Variants in NRG3 observed in about 807,000 individuals in gnomAD.
The protein encoded by NRG3 is neuregulin 3, also known as pro-neuregulin-3, membrane-bound isoform.
A neutral mutation model predicts 66.9 loss-of-function variants in NRG3; 31 were observed. That is an observed-to-expected ratio of 0.46 (90% CI 0.35 to 0.63). The LOEUF (loss-of-function observed/expected upper bound fraction) is 0.63, where lower values mean the gene tolerates loss of function less well. Ranked by LOEUF, NRG3 falls within the 20% of genes least tolerant of loss-of-function variation. The probability of loss-of-function intolerance (pLI) is 0.00; values close to 1 mark genes in which losing one functional copy is unlikely to be tolerated. For missense variants in NRG3, 910 were observed against 878.9 expected, an observed-to-expected ratio of 1.04 and a Z score of -0.45; for synonymous variants, 393 against 359.4, an observed-to-expected ratio of 1.09 and a Z score of -1.06.
At chr10:82,363,741 G>A (rs1415302001) in intron 2 of NRG3, among the ~76,000 whole-genome samples, 18 of 152,150 alleles carry the variant, frequency 1.2e-4, no homozygotes, top group Admixed American at 1.0e-3. Context: ...ACAGGCGTGA[G>A]CCACCACACC....
intron 2 of NRG3, among the ~76,000 whole-genome samples, chr10:82,633,794 A>G (rs2050003037): frequency 6.6e-6 from 1 of 152,194 alleles, no homozygotes; most frequent in African/African-American, 2.4e-5. Context: ...AAATGTACAC[A>G]TTTTAAGCAG....
intron 2 of NRG3, among the ~76,000 whole-genome samples, chr10:82,677,970 G>C (rs930865222): frequency 6.6e-6 from 1 of 152,092 alleles, no homozygotes; most frequent in African/African-American, 2.4e-5. Context: ...CCACATGCAC[G>C]GTGTGTTTAC....
intron 1 of NRG3, among the ~76,000 whole-genome samples, chr10:82,256,954 G>A (rs1234813785): frequency 5.9e-5 from 9 of 152,134 alleles, no homozygotes; most frequent in Admixed American, 5.9e-4. Context: ...AGAGGTCATG[G>A]TCCGTGGAAT....
intron 4 of NRG3, among the ~76,000 whole-genome samples, chr10:82,870,866 G>A (rs554117899): frequency 1.7e-4 from 26 of 152,100 alleles, no homozygotes; most frequent in Middle Eastern, 3.4e-3. Flanking sequence ...GTCATTCTGC[G>A]GCTTTTCCCT....
intron 1 of NRG3, among the ~76,000 whole-genome samples, chr10:82,188,243 C>A (rs648899): frequency 0.039 from 5,941 of 152,110 alleles, 170 homozygotes; most frequent in South Asian, 0.12. Flanking sequence ...TGGTGCTGGG[C>A]AAATTGGATA....
chr10:82,477,783 C>T (rs17100110), intron 2 of NRG3, among the ~76,000 whole-genome samples: 3,163 of 152,138 alleles, frequency 0.021, 47 homozygotes, highest in Non-Finnish European at 0.031. Flanking sequence ...AGGCATAAAC[C>T]GAGGGGACAG....
chr10:81,996,292 T>C (rs1697018071), intron 1 of NRG3, among the ~76,000 whole-genome samples: 1 of 152,148 alleles, frequency 6.6e-6, no homozygotes, highest in African/African-American at 2.4e-5. Context: ...CTGAAGTCTA[T>C]AGTGTATCCC....
At chr10:81,904,859 C>T (rs1232193574) in intron 1 of NRG3, among the ~76,000 whole-genome samples, 1 of 152,094 alleles carries the variant, frequency 6.6e-6, no homozygotes, top group Non-Finnish European at 1.5e-5. Flanking sequence ...ATCAGGATAT[C>T]ATGGTACCTG....
intron 2 of NRG3, among the ~76,000 whole-genome samples, chr10:82,551,753 G>A (rs997120634): frequency 3.9e-5 from 6 of 151,916 alleles, no homozygotes; most frequent in Non-Finnish European, 5.9e-5. Flanking sequence ...CAAGTGCTTC[G>A]TCTCAAACCC....
chr10:82,104,058 T>A (rs2066918216), intron 1 of NRG3, among the ~76,000 whole-genome samples: 1 of 152,088 alleles, frequency 6.6e-6, no homozygotes, highest in Non-Finnish European at 1.5e-5. Flanking sequence ...AGGAAATAAT[T>A]TAAAAAGTGC....
intron 2 of NRG3, among the ~76,000 whole-genome samples, chr10:82,584,964 C>T (rs754200607): frequency 7.7e-6 from 1 of 130,218 alleles, no homozygotes; most frequent in Non-Finnish European, 1.5e-5. Flanking sequence ...CTTCCCCAAG[C>T]AATTGTTGTT....
intron 1 of NRG3, among the ~76,000 whole-genome samples, chr10:81,891,389 A>G (rs1286360484): frequency 1.3e-5 from 2 of 152,130 alleles, no homozygotes; most frequent in Admixed American, 1.3e-4. Flanking sequence ...GGCGCACTTT[A>G]AGGTATTTAA....
At chr10:82,937,144 T>G (rs149506177) in intron 4 of NRG3, among the ~76,000 whole-genome samples, 54 of 152,344 alleles carry the variant, frequency 3.5e-4, no homozygotes, top group African/African-American at 1.2e-3. Context: ...TGTTTTCAAA[T>G]AGTTTACATG....
chr10:82,983,810 T>C (rs544989931), intron 8 of NRG3, among the ~76,000 whole-genome samples: 1 of 152,350 alleles, frequency 6.6e-6, no homozygotes, highest in South Asian at 2.1e-4. Context: ...TATGTATTCA[T>C]GTGTTCACTC....
At chr10:81,931,504 C>T (rs1344817243) in intron 1 of NRG3, among the ~76,000 whole-genome samples, 1 of 152,172 alleles carries the variant, frequency 6.6e-6, no homozygotes, top group African/African-American at 2.4e-5. Flanking sequence ...CACTGTCCTC[C>T]CCTGGTCCAC....
chr10:81,934,079 C>G (rs932341911), intron 1 of NRG3, among the ~76,000 whole-genome samples: 1 of 152,174 alleles, frequency 6.6e-6, no homozygotes, highest in African/African-American at 2.4e-5. Context: ...CTCCAATGAT[C>G]ATACCAGACA....
At chr10:82,229,212 A>C (rs2076326106) in intron 1 of NRG3, 1 of 152,218 alleles carries the variant, frequency 6.6e-6, no homozygotes, top group African/African-American at 2.4e-5. Flanking sequence ...TGCAGCATAA[A>C]TACCAAGGTA....
At chr10:82,104,202 G>A (rs2066926956) in intron 1 of NRG3, among the ~76,000 whole-genome samples, 1 of 152,070 alleles carries the variant, frequency 6.6e-6, no homozygotes, top group Non-Finnish European at 1.5e-5. Flanking sequence ...AGTGAAAGAG[G>A]TTGGCAATAG....
At chr10:82,362,548 GTTTTTTTTTTT>G (rs10694679) in intron 2 of NRG3, among the ~76,000 whole-genome samples, 2 of 83,186 alleles carry the variant, frequency 2.4e-5, no homozygotes, top group African/African-American at 9.9e-5. Context: ...TAATTTCTGG[GTTTTTTTTTTT>G]TTTTTTTTTT....
Sources: gnomAD v4.1 joint callset for allele counts (sites outside exome capture counted in the v4.1 genomes callset) on GRCh38, gnomAD v4.1.1 for gene constraint, MANE v1.5 for transcripts, NCBI Gene and HGNC (gene_info 2026-07-23, HGNC 2026-07-21) for gene names.